The following ASZ1 variants were observed in gnomAD, a reference collection of about 807,000 sequenced individuals.
The protein encoded by ASZ1 is ankyrin repeat, SAM and basic leucine zipper domain containing 1, also known as ankyrin repeat, SAM and basic leucine zipper domain-containing protein 1.
ASZ1 carries 67 observed loss-of-function variants against 61.8 expected under a neutral mutation model. The observed-to-expected ratio is 1.08, with a 90% CI of 0.89 to 1.33. The LOEUF (loss-of-function observed/expected upper bound fraction) is 1.33. Among genes scored for constraint, ASZ1 ranks in the 40% most tolerant of loss-of-function variants. ASZ1 has a pLI of 0.00. For missense variants in ASZ1, 577 were observed against 554.5 expected (o/e 1.04, Z -0.41); for synonymous variants, 193 against 192.7 (o/e 1.00, Z -0.01).
At chr7:117,426,963 C>G in intron 1 of ASZ1, 28 bp from the exon 2 acceptor site, 1 of 1,561,570 alleles carries the variant, frequency 6.4e-7, no homozygotes, top group Non-Finnish European at 8.6e-7. Context: ...TTAAAAAATT[C>G]TTGTTATATA....
intron 4 of ASZ1, 52 bp downstream of exon 4, chr7:117,420,111 A>G: frequency 5.0e-6 from 7 of 1,392,888 alleles, no homozygotes; most frequent in Non-Finnish European, 6.9e-6. Context: ...GGCTGATACC[A>G]AAGAAAAATT....
Position 117,427,376 on chromosome 7 carries a change from AC to A in ASZ1, c.84del (p.Tyr29IlefsTer9). ...SESEDDGWEI[G>X]YLDRTSQKLK... The stretch of plus-strand genomic sequence containing the variant: ...GCTACCTGAGACGTCCGGTCGAGAT[AC>A]CCAATCTCCCAGCCATCATCCTCGC... On this transcript the variant is annotated frameshift_variant, in exon 1 of 13. Coordinates refer to ENST00000284629, the MANE Select transcript of ASZ1 (RefSeq NM_130768.3). LOFTEE classifies it high-confidence loss of function. 6.2e-7 allele frequency: 1 copy of A among 1,614,098 alleles called. No individual in the cohort carries two copies. Among genetic ancestry groups the A allele is most frequent in the South Asian group, 1.1e-5 (1 of 91,084 alleles).
chr7:117,374,439 T>C (rs2116455472), intron 10 of ASZ1, among the ~76,000 whole-genome samples: 1 of 152,176 alleles, frequency 6.6e-6, no homozygotes, highest in East Asian at 1.9e-4. Context: ...TCTGATAACT[T>C]AGCCAGGTAA....
At chr7:117,415,903 G>A (rs1796981676) in intron 4 of ASZ1, among the ~76,000 whole-genome samples, 1 of 152,176 alleles carries the variant, frequency 6.6e-6, no homozygotes, top group Non-Finnish European at 1.5e-5. Flanking sequence ...GTAAAATAAA[G>A]GAGTGGGCCA....
chr7:117,388,529 A>T (rs1330037667), intron 4 of ASZ1, among the ~76,000 whole-genome samples: 2 of 152,214 alleles, frequency 1.3e-5, no homozygotes, highest in Non-Finnish European at 2.9e-5. Context: ...TACCATATTA[A>T]CAAACTAAAA....
chr7:117,420,588 T>C (rs1797083091), intron 3 of ASZ1, among the ~76,000 whole-genome samples: 1 of 152,226 alleles, frequency 6.6e-6, no homozygotes, highest in African/African-American at 2.4e-5. Context: ...TTTTGGTTGA[T>C]TAAAATTTGC....
chr7:117,424,193 G>A (rs1429993343), intron 2 of ASZ1, among the ~76,000 whole-genome samples: 1 of 152,134 alleles, frequency 6.6e-6, no homozygotes, highest in Non-Finnish European at 1.5e-5. Flanking sequence ...AAAGAAAATT[G>A]AAAATGATAG....
At chr7:117,381,854 AC>A (rs1299000217) in intron 8 of ASZ1, among the ~76,000 whole-genome samples, 1 of 152,092 alleles carries the variant, frequency 6.6e-6, no homozygotes, top group Non-Finnish European at 1.5e-5. Context: ...GTGGGTAAAA[AC>A]TGTTTAATCT....
chr7:117,404,162 T>C (rs1490705903), intron 4 of ASZ1, among the ~76,000 whole-genome samples: 1 of 152,128 alleles, frequency 6.6e-6, no homozygotes, highest in Non-Finnish European at 1.5e-5. Flanking sequence ...TGGCCATCAC[T>C]GTTTGTACTG....
chr7:117,374,502 T>C (rs1390624104), intron 10 of ASZ1, among the ~76,000 whole-genome samples: 2 of 152,062 alleles, frequency 1.3e-5, no homozygotes, highest in African/African-American at 2.4e-5. Context: ...TTCAAAAGCA[T>C]ACATGTAAAA....
rs563223049 is a variant in ASZ1, at chr7:117,368,254, T to C, written c.1161+358A>G. On this transcript the variant is annotated intron_variant, in intron 11 of 12. Transcript: ENST00000284629. ...TTACACTCTTCCTATTCTAAATTTATTTAAAAATATTTTATTGATATGGTT... is the reference window on the plus strand; with the variant it reads ...TTACACTCTTCCTATTCTAAATTTACTTAAAAATATTTTATTGATATGGTT... 10 of 978,050 alleles carry C rather than the reference T, an allele frequency of 1.0e-5. No individual in the cohort carries two copies. The South Asian group carries it at 4.5e-4, about 44-fold the overall frequency. The allele number at this position is 978,050 out of a possible 1,614,324, so 60.6% of individuals were successfully genotyped here. A position where few individuals can be genotyped will look rare whatever the true frequency, so the allele number is the denominator to read the frequency against.
chr7:117,369,772 A>G (rs572824898), intron 10 of ASZ1, among the ~76,000 whole-genome samples: 1 of 152,330 alleles, frequency 6.6e-6, no homozygotes, highest in African/African-American at 2.4e-5. Flanking sequence ...TTGGTGGTGC[A>G]TGGTGGGGAA....
intron 4 of ASZ1, among the ~76,000 whole-genome samples, chr7:117,390,361 G>A (rs1318193578): frequency 2.6e-5 from 4 of 152,158 alleles, no homozygotes; most frequent in Non-Finnish European, 5.9e-5. Flanking sequence ...TAGAGATGGA[G>A]TCTCTGTATG....
intron 2 of ASZ1, 148 bp downstream of exon 2, chr7:117,426,688 C>G: frequency 1.4e-6 from 1 of 706,944 alleles, no homozygotes; most frequent in South Asian, 2.3e-5. Flanking sequence ...ATAAGGCAGA[C>G]TGGACTCAGT....
intron 10 of ASZ1, among the ~76,000 whole-genome samples, chr7:117,371,105 G>A (rs889771988): frequency 5.3e-5 from 8 of 152,064 alleles, no homozygotes; most frequent in East Asian, 1.9e-4. Context: ...CATTATAGGC[G>A]TGAGCCACCA....
chr7:117,370,722 G>C (rs1320926331), intron 10 of ASZ1, among the ~76,000 whole-genome samples: 1 of 151,904 alleles, frequency 6.6e-6, no homozygotes, highest in Non-Finnish European at 1.5e-5. Flanking sequence ...AAGTGTATTA[G>C]ATGACCTTTC....
intron 5 of ASZ1, among the ~76,000 whole-genome samples, chr7:117,385,124 A>C (rs562179668): frequency 6.6e-6 from 1 of 152,298 alleles, no homozygotes; most frequent in Non-Finnish European, 1.5e-5. Flanking sequence ...TTTATTTGCC[A>C]ATCACTGAAG....
At chr7:117,375,993 A>C (rs1021346278) in intron 10 of ASZ1, among the ~76,000 whole-genome samples, 4 of 152,114 alleles carry the variant, frequency 2.6e-5, no homozygotes, top group African/African-American at 4.8e-5. Context: ...CACTAAAAGC[A>C]AAAACAATAG....
At chr7:117,393,877 T>C (rs1239948278) in intron 4 of ASZ1, among the ~76,000 whole-genome samples, 1 of 152,176 alleles carries the variant, frequency 6.6e-6, no homozygotes, top group Non-Finnish European at 1.5e-5. Flanking sequence ...ATCTGAAAGC[T>C]TTTAATTTCA....
Sources: gnomAD v4.1 joint callset for allele counts (sites outside exome capture counted in the v4.1 genomes callset) on GRCh38, gnomAD v4.1.1 for gene constraint, MANE v1.5 for transcripts, NCBI Gene and HGNC (gene_info 2026-07-23, HGNC 2026-07-21) for gene names.